ZNF804B: variants seen among roughly 807,000 people sequenced by gnomAD.
ZNF804B encodes the protein zinc finger 804B.
A neutral mutation model predicts 101.4 loss-of-function variants in ZNF804B; 80 were observed. That is an observed-to-expected ratio of 0.79 (90% CI 0.66 to 0.95). The LOEUF (loss-of-function observed/expected upper bound fraction) is 0.95. ZNF804B is among the 40% of genes least tolerant of loss of function. The probability of loss-of-function intolerance (pLI) is 0.00; values close to 1 mark genes in which losing one functional copy is unlikely to be tolerated. For synonymous variants in ZNF804B, 622 were observed against 558.8 expected, an observed-to-expected ratio of 1.11 and a Z score of -1.59; for missense variants, 1,673 against 1,561.9, an observed-to-expected ratio of 1.07 and a Z score of -1.20.
intron 1 of ZNF804B, among the ~76,000 whole-genome samples, chr7:88,939,555 G>A (rs1027422474): frequency 6.6e-6 from 1 of 151,902 alleles, no homozygotes; most frequent in South Asian, 2.1e-4. Flanking sequence ...CATTGTGTTG[G>A]AAATGAATCT....
At chr7:88,997,868 C>T (rs1354973636) in intron 1 of ZNF804B, among the ~76,000 whole-genome samples, 1 of 152,038 alleles carries the variant, frequency 6.6e-6, no homozygotes, top group Non-Finnish European at 1.5e-5. Context: ...TGATTGAAAT[C>T]CTCTCAAATA....
chr7:89,322,021 A>T (rs1790828914), intron 2 of ZNF804B, among the ~76,000 whole-genome samples: 1 of 152,170 alleles, frequency 6.6e-6, no homozygotes, highest in African/African-American at 2.4e-5. Flanking sequence ...TAAATTCCTG[A>T]ATATGTATGC....
At chr7:89,016,273 C>T (rs561907026) in intron 1 of ZNF804B, among the ~76,000 whole-genome samples, 535 of 152,000 alleles carry the variant, frequency 3.5e-3, no homozygotes, top group Middle Eastern at 0.014. Context: ...AAAATTTTCT[C>T]CCATTTTGTA....
chr7:88,789,496 G>A (rs993686391), intron 1 of ZNF804B, among the ~76,000 whole-genome samples: 1 of 151,904 alleles, frequency 6.6e-6, no homozygotes, highest in Admixed American at 6.6e-5. Context: ...ATGTCTTTAG[G>A]TCTCAGAATC....
chr7:89,018,015 C>G (rs1788598590), intron 1 of ZNF804B, among the ~76,000 whole-genome samples: 1 of 152,024 alleles, frequency 6.6e-6, no homozygotes, highest in Non-Finnish European at 1.5e-5. Context: ...ATTTTATTAT[C>G]TTGCCTAATT....
chr7:88,854,414 C>CTTTCTTTCTTCCTTTCTTTCTTTCTTT (rs1791502231), intron 1 of ZNF804B, among the ~76,000 whole-genome samples: 4 of 57,076 alleles, frequency 7.0e-5, no homozygotes, highest in Non-Finnish European at 1.1e-4. Context: ...TTTCTTTCTT[C>CTTTCTTTCTTCCTTTCTTTCTTTCTTT]CTTTCTTTCT....
intron 1 of ZNF804B, among the ~76,000 whole-genome samples, chr7:88,795,354 A>G (rs79780571): frequency 7.7e-6 from 1 of 130,662 alleles, no homozygotes; most frequent in Non-Finnish European, 1.6e-5. Flanking sequence ...TATAACTTTT[A>G]AAAAAAAATC....
At chr7:88,887,767 C>A (rs1016817158) in intron 1 of ZNF804B, among the ~76,000 whole-genome samples, 3 of 150,416 alleles carry the variant, frequency 2.0e-5, no homozygotes, top group Non-Finnish European at 4.4e-5. Context: ...AAAAAAAGTG[C>A]AGATTTGTAT....
intron 1 of ZNF804B, among the ~76,000 whole-genome samples, chr7:88,799,610 T>C (rs1269256726): frequency 2.6e-5 from 4 of 152,026 alleles, no homozygotes; most frequent in Non-Finnish European, 4.4e-5. Context: ...TTATCTACTG[T>C]TATTATCTAC....
chr7:88,979,534 G>T (rs545849282), intron 1 of ZNF804B, among the ~76,000 whole-genome samples: 11 of 151,834 alleles, frequency 7.2e-5, no homozygotes, highest in Admixed American at 7.2e-4. Flanking sequence ...CCACAGAAAA[G>T]CCTGCTGACA....
intron 1 of ZNF804B, among the ~76,000 whole-genome samples, chr7:88,868,317 C>A (rs1015179369): frequency 2.6e-5 from 4 of 152,198 alleles, no homozygotes; most frequent in African/African-American, 9.6e-5. Flanking sequence ...CATGAACCAA[C>A]TGGGCTATGT....
chr7:89,187,001 ATC>A (rs1286738577), intron 1 of ZNF804B, among the ~76,000 whole-genome samples: 1 of 152,146 alleles, frequency 6.6e-6, no homozygotes. Flanking sequence ...TTCCATCAAT[ATC>A]TGATATATTC....
chr7:89,278,491 G>A (rs1162596560), intron 2 of ZNF804B, among the ~76,000 whole-genome samples: 4 of 150,874 alleles, frequency 2.7e-5, no homozygotes, highest in African/African-American at 4.9e-5. Flanking sequence ...TAGGTCTAAC[G>A]TTTCAGTCTT....
intron 1 of ZNF804B, among the ~76,000 whole-genome samples, chr7:88,936,600 G>T (rs1454925472): frequency 6.6e-6 from 1 of 152,080 alleles, no homozygotes; most frequent in African/African-American, 2.4e-5. Flanking sequence ...TTTGGAATAT[G>T]AGTGACACTG....
At chr7:88,769,569 C>T (rs1790032812) in intron 1 of ZNF804B, among the ~76,000 whole-genome samples, 1 of 152,178 alleles carries the variant, frequency 6.6e-6, no homozygotes, top group Non-Finnish European at 1.5e-5. Context: ...GCATATTTAA[C>T]AGCTTCTGAT....
intron 2 of ZNF804B, among the ~76,000 whole-genome samples, chr7:89,285,522 CAAAAAAAAAAAAAAAA>C (rs778078214): frequency 4.5e-5 from 1 of 22,394 alleles, no homozygotes; most frequent in Admixed American, 8.1e-4. Flanking sequence ...GACTCTGTCT[CAAAAAAAAAAAAAAAA>C]AAAAAAAAAA....
intron 1 of ZNF804B, among the ~76,000 whole-genome samples, chr7:89,115,011 T>G (rs1372076216): frequency 6.6e-6 from 1 of 152,172 alleles, no homozygotes; most frequent in East Asian, 1.9e-4. Context: ...TATGAGTTCC[T>G]CTAATGGAAG....
chr7:89,336,422 C>A lies in ZNF804B; in HGVS notation c.3440C>A (p.Pro1147His). The change falls in exon 4 of 4, where the codon CCC (proline) becomes CAC (histidine). Residue 1147 changes from proline to histidine, a missense_variant. Coordinates refer to ENST00000333190, the MANE Select transcript of ZNF804B (RefSeq NM_181646.5). ...KSISPPLIQQ[P>H]ITFSPDEIDK... Reference sequence around the variant, plus strand: ...ATCTCTCCCCCTTTAATTCAACAGCCCATAACATTTTCTCCTGACGAAATA... The same window carrying A: ...ATCTCTCCCCCTTTAATTCAACAGCACATAACATTTTCTCCTGACGAAATA... 1 of 1,614,078 alleles carries A rather than the reference C, an allele frequency of 6.2e-7. No homozygotes were observed. Among genetic ancestry groups the A allele is most frequent in the Admixed American group, 1.7e-5 (1 of 60,000 alleles).
At chr7:88,866,095 A>G (rs1791722957) in intron 1 of ZNF804B, among the ~76,000 whole-genome samples, 1 of 152,244 alleles carries the variant, frequency 6.6e-6, no homozygotes, top group Non-Finnish European at 1.5e-5. Context: ...AGTTAAGACT[A>G]ATAGAATAGG....
Sources: gnomAD v4.1 joint callset for allele counts (sites outside exome capture counted in the v4.1 genomes callset) on GRCh38, gnomAD v4.1.1 for gene constraint, MANE v1.5 for transcripts, NCBI Gene and HGNC (gene_info 2026-07-23, HGNC 2026-07-21) for gene names.